Variants in WDR93 observed in about 807,000 individuals in gnomAD.
The protein encoded by WDR93 is WD repeat domain 93.
In WDR93, 73 loss-of-function variants were observed where a neutral mutation model predicts 82.9. The observed-to-expected ratio is 0.88, with a 90% CI of 0.73 to 1.07. The LOEUF is 1.07. Ranked by LOEUF, WDR93 falls within the 50% of genes least tolerant of loss-of-function variation. WDR93 has a pLI of 0.00. For synonymous variants in WDR93, 283 were observed against 300.1 expected, an observed-to-expected ratio of 0.94 and a Z score of 0.59; for missense variants, 738 against 826.0, an observed-to-expected ratio of 0.89 and a Z score of 1.31.
In WDR93 at chr15:89,716,978, G is replaced by C. The variant is rs546811270; in HGVS notation, c.795+29G>C. The C allele has an allele frequency of 3.6e-6, 5 of 1,392,224 alleles. No individual in the cohort carries two copies. In the South Asian group the frequency reaches 7.5e-5, roughly 21 times the overall value. The allele number at this position is 1,392,224 out of a possible 1,614,324, so 86.2% of individuals were successfully genotyped here. On this transcript the variant is annotated intron_variant, in intron 7 of 16. Transcript: ENST00000268130. Reference sequence around the variant, plus strand: ...AGAAACTTTAAAGAAAATCTCCAGAGAGACTTAAGTTTGTATTTTAGAGAT... The same window carrying C: ...AGAAACTTTAAAGAAAATCTCCAGACAGACTTAAGTTTGTATTTTAGAGAT...
In WDR93 at chr15:89,715,104, T is replaced by C; in HGVS notation, c.756+9T>C. On this transcript the variant is annotated intron_variant, in intron 6 of 16. Transcript: ENST00000268130. Reference sequence around the variant, plus strand: ...TCAGACAGCCGCAACTGGTAGGAAATATCTCTGCTTTCAGCTGATATGTTT... The same window carrying C: ...TCAGACAGCCGCAACTGGTAGGAAACATCTCTGCTTTCAGCTGATATGTTT... 6.2e-7 allele frequency: 1 copy of C among 1,610,646 alleles called. No homozygotes were observed. Among genetic ancestry groups the C allele is most frequent in the Non-Finnish European group, 8.5e-7 (1 of 1,178,148 alleles).
intron 8 of WDR93, among the ~76,000 whole-genome samples, chr15:89,723,590 T>C (rs1966614588): frequency 6.6e-6 from 1 of 152,052 alleles, no homozygotes; most frequent in Non-Finnish European, 1.5e-5. Context: ...AAGTGAATAA[T>C]AGAAATATAG....
rs2141593117 is a variant in WDR93 at position 89,700,598 on chromosome 15, T to C, written c.-40-1109T>C. On this transcript the variant is annotated intron_variant, in intron 1 of 16. Coordinates refer to ENST00000268130, the MANE Select transcript of WDR93 (RefSeq NM_020212.2). ...TTTTTTTTGAGGCAAGGTCTCACTC[T>C]GTCATCTAGGGTAGAATGCAGTGGC... Among the ~76,000 whole-genome samples the C allele has an allele frequency of 2.7e-5, 4 of 149,028 alleles. No individual in the cohort carries two copies. In the Admixed American group the frequency reaches 2.7e-4, roughly 10 times the overall value.
intron 1 of WDR93, among the ~76,000 whole-genome samples, chr15:89,694,843 T>A (rs528043645): frequency 6.6e-6 from 1 of 152,348 alleles, no homozygotes; most frequent in Non-Finnish European, 1.5e-5. Flanking sequence ...TTACTTTGAG[T>A]TAATTTTTGC....
rs574836912 is a variant in WDR93 at position 89,707,907 on chromosome 15, G to A, written c.561+2289G>A. Among the ~76,000 whole-genome samples, 14 of 152,302 alleles carry A rather than the reference G, an allele frequency of 9.2e-5. 1 individual carries two copies. In the South Asian group the frequency reaches 2.7e-3, roughly 29 times the overall value. Reference sequence around the variant, plus strand: ...AAACCATCCAAATGTCCATCAACAGGTGAATGGATAAGTAATTGTGGTGTA... The same window carrying A: ...AAACCATCCAAATGTCCATCAACAGATGAATGGATAAGTAATTGTGGTGTA... On this transcript the variant is annotated intron_variant, in intron 4 of 16. Transcript: ENST00000268130.
chr15:89,699,545 AT>A (rs1223911643), intron 1 of WDR93, among the ~76,000 whole-genome samples: 3 of 151,808 alleles, frequency 2.0e-5, no homozygotes, highest in Non-Finnish European at 2.9e-5. Flanking sequence ...TTTCTACAAA[AT>A]TTTTTTCTGT....
At chr15:89,726,540 G>A (rs1966745766) in intron 8 of WDR93, among the ~76,000 whole-genome samples, 1 of 152,188 alleles carries the variant, frequency 6.6e-6, no homozygotes, top group African/African-American at 2.4e-5. Context: ...AAAGTGAACA[G>A]AATTCTGAAA....
intron 7 of WDR93, chr15:89,720,988 G>A (rs1225531308): frequency 6.6e-6 from 1 of 151,892 alleles, no homozygotes; most frequent in Non-Finnish European, 1.5e-5. Flanking sequence ...CGTGTATTTT[G>A]AAGCTTTGTA....
chr15:89,740,654 A>C (rs1233714004), intron 16 of WDR93, among the ~76,000 whole-genome samples: 1 of 151,846 alleles, frequency 6.6e-6, no homozygotes. Flanking sequence ...GGCATGCGCC[A>C]CCACGCCCGG....
intron 4 of WDR93, among the ~76,000 whole-genome samples, chr15:89,708,722 G>C (rs1965830940): frequency 6.6e-6 from 1 of 152,216 alleles, no homozygotes; most frequent in Admixed American, 6.5e-5. Context: ...GGTTATTGAA[G>C]GGTATGGAGG....
Position 89,701,918 on chromosome 15 carries a change from C to A in WDR93, c.172C>A (p.Arg58=). The part of the protein sequence containing the change: ...EELDSLPQPY[R]MINKLVNLLF... The stretch of plus-strand genomic sequence containing the variant: ...GCTGGATTCCTTGCCTCAGCCTTAT[C>A]GAATGATCAACAAGCTGGTGAACCT... Residue 58 remains arginine (R), a synonymous_variant, in exon 2 of 17, where the codon CGA becomes AGA. Coordinates refer to ENST00000268130, the MANE Select transcript of WDR93 (RefSeq NM_020212.2). The A allele has an allele frequency of 6.2e-7, 1 of 1,614,150 alleles. No homozygotes were observed. The highest frequency in any genetic ancestry group is 2.2e-5 in the East Asian group (1 of 44,874).
At chr15:89,727,389 A>G (rs1966781449) in intron 9 of WDR93, 61 bp downstream of exon 9, 2 of 1,566,904 alleles carry the variant, frequency 1.3e-6, no homozygotes, top group Non-Finnish European at 8.7e-7. Context: ...GTCTTGGCAC[A>G]TGCAGGAATC....
intron 7 of WDR93, chr15:89,721,507 T>C (rs948305611): frequency 1.3e-5 from 2 of 152,948 alleles, no homozygotes; most frequent in African/African-American, 4.8e-5. Context: ...TGAGCTGTGA[T>C]TGTTCCACTA....
At chr15:89,698,293 T>A (rs1192443715) in intron 1 of WDR93, among the ~76,000 whole-genome samples, 1 of 152,224 alleles carries the variant, frequency 6.6e-6, no homozygotes, top group Non-Finnish European at 1.5e-5. Context: ...CTGATTAGTG[T>A]TAGCATAGTA....
At chr15:89,696,456 G>T (rs12437613) in intron 1 of WDR93, among the ~76,000 whole-genome samples, 66,373 of 151,878 alleles carry the variant, frequency 0.44, 14,973 homozygotes, top group African/African-American at 0.5. Context: ...TTTGTGTAGA[G>T]GTTTTTGTGT....
chr15:89,727,023 C>T (rs1212839843), intron 8 of WDR93, 134 bp from the exon 9 acceptor site: 3 of 993,292 alleles, frequency 3.0e-6, no homozygotes, highest in Non-Finnish European at 4.5e-6. Context: ...TGAATACAGA[C>T]CAATTGCAGA....
At chr15:89,710,023 G>A (rs1396952792) in intron 4 of WDR93, among the ~76,000 whole-genome samples, 1 of 152,034 alleles carries the variant, frequency 6.6e-6, no homozygotes, top group Non-Finnish European at 1.5e-5. Context: ...AGCCGGGTGT[G>A]CTGGCACGCG....
chr15:89,740,927 G>A (rs952654272), intron 16 of WDR93, among the ~76,000 whole-genome samples: 1 of 151,990 alleles, frequency 6.6e-6, no homozygotes, highest in African/African-American at 2.4e-5. Flanking sequence ...ATCACCTAAG[G>A]CCAGGCGTTC....
At chr15:89,743,235 C>A (rs1967815492) in intron 16 of WDR93, 57 bp from the exon 17 acceptor site, 3 of 1,582,930 alleles carry the variant, frequency 1.9e-6, no homozygotes, top group South Asian at 2.2e-5. Flanking sequence ...GCCCTGGGGG[C>A]TCGGGAGCTG....
Sources: allele counts gnomAD v4.1 joint callset (sites outside exome capture counted in the v4.1 genomes callset), GRCh38; gene constraint gnomAD v4.1.1; transcripts MANE v1.5; gene names NCBI Gene and HGNC (gene_info 2026-07-23, HGNC 2026-07-21).